Variants in KANSL1 observed in about 807,000 individuals in gnomAD.
KANSL1 encodes KAT8 regulatory NSL complex subunit 1.
Under a neutral mutation model 103.6 loss-of-function variants are expected in KANSL1, and 22 were observed. The ratio of observed to expected loss-of-function variants is 0.21; its 90% CI spans 0.15 to 0.30. The LOEUF (loss-of-function observed/expected upper bound fraction) is 0.30. Ranked by LOEUF, KANSL1 falls within the 10% of genes least tolerant of loss-of-function variation. The pLI is 1.00. For synonymous variants in KANSL1, 600 were observed against 527.6 expected, an observed-to-expected ratio of 1.14 and a Z score of -1.88; for missense variants, 1,337 against 1,399.8, an observed-to-expected ratio of 0.96 and a Z score of 0.72.
At chr17:46,166,786 C>A (rs1163696893) in intron 2 of KANSL1, among the ~76,000 whole-genome samples, 1 of 152,088 alleles carries the variant, frequency 6.6e-6, no homozygotes, top group Non-Finnish European at 1.5e-5. Context: ...AAAAAGAAAC[C>A]TAGTGAACAA....
intron 2 of KANSL1, among the ~76,000 whole-genome samples, chr17:46,096,313 T>TTTTTTTC (rs2042075122): frequency 1.1e-5 from 1 of 90,282 alleles, no homozygotes; most frequent in African/African-American, 3.2e-5. Flanking sequence ...TTTTTTTTCT[T>TTTTTTTC]TTTTTTTTTT....
chr17:46,172,822 T>C (rs1055659633), intron 1 of KANSL1, among the ~76,000 whole-genome samples: 9 of 152,234 alleles, frequency 5.9e-5, no homozygotes, highest in African/African-American at 2.2e-4. Context: ...CAGATCAAAG[T>C]GGTCATCAAT....
At chr17:46,090,452 G>GCAAGAA (rs1445724591) in intron 3 of KANSL1, among the ~76,000 whole-genome samples, 2 of 152,188 alleles carry the variant, frequency 1.3e-5, no homozygotes, top group Non-Finnish European at 2.9e-5. Flanking sequence ...TTACTTATTG[G>GCAAGAA]AACTATCAAC....
chr17:46,062,024 G>A (rs1333508312), intron 6 of KANSL1, among the ~76,000 whole-genome samples: 4 of 149,328 alleles, frequency 2.7e-5, no homozygotes, highest in Non-Finnish European at 5.9e-5. Flanking sequence ...CCCGGGAGGC[G>A]GAGGCTGCAG....
rs1464342736 is a variant in KANSL1 at position 46,034,212 on chromosome 17, G to A, written c.2615C>T (p.Ala872Val). The A allele has an allele frequency of 6.2e-7, 1 of 1,614,124 alleles. No individual in the cohort carries two copies. The highest frequency in any genetic ancestry group is 1.1e-5 in the South Asian group (1 of 91,070). ...INNIVIPMSV[A>V]ATTRVEKLQY... ...CAGTTTCTCTACGCGAGTTGTTGCA[G>A]CAACAGACATTGGGATGACAATGTT... The change falls in exon 11 of 15, where the codon GCT becomes GTT. Residue 872 changes from alanine to valine, a missense_variant. Physicochemically the swap from Ala to Val is moderately conservative, Grantham distance 64. Around this residue, in one of 2 missense-constraint regions of KANSL1, gnomAD observed 780 missense variants for 923.4 expected, o/e 0.84. Transcript: ENST00000432791.
chr17:46,066,770 A>C (rs1311643567), intron 5 of KANSL1, 38 bp from the exon 6 acceptor site: 1 of 1,434,094 alleles, frequency 7.0e-7, no homozygotes, highest in South Asian at 1.2e-5. Context: ...CAGAACACAC[A>C]AAGAAACAAA....
chr17:46,153,819 G>A (rs538420600), intron 2 of KANSL1, among the ~76,000 whole-genome samples: 1 of 152,328 alleles, frequency 6.6e-6, no homozygotes, highest in African/African-American at 2.4e-5. Context: ...CAATGTGGAG[G>A]GAAAACCCAG....
At chr17:46,057,960 T>C (rs1020314670) in intron 6 of KANSL1, among the ~76,000 whole-genome samples, 4 of 152,120 alleles carry the variant, frequency 2.6e-5, no homozygotes, top group Admixed American at 6.5e-5. Context: ...GAGAAATAAA[T>C]GGGGTGGTCT....
At chr17:46,102,688 G>A (rs540995014) in intron 2 of KANSL1, among the ~76,000 whole-genome samples, 1 of 152,228 alleles carries the variant, frequency 6.6e-6, no homozygotes, top group Admixed American at 6.5e-5. Flanking sequence ...GTTTATTTCA[G>A]CCAAGCATTT....
At chr17:46,137,812 A>G (rs1175698877) in intron 2 of KANSL1, among the ~76,000 whole-genome samples, 1 of 151,610 alleles carries the variant, frequency 6.6e-6, no homozygotes, top group Non-Finnish European at 1.5e-5. Flanking sequence ...GCTTGCAGTG[A>G]GCCAAAATCA....
chr17:46,143,138 A>G (rs1021170076), intron 2 of KANSL1, among the ~76,000 whole-genome samples: 3 of 152,270 alleles, frequency 2.0e-5, no homozygotes, highest in African/African-American at 7.2e-5. Flanking sequence ...AGGCCGTAAG[A>G]TACACTAAAA....
chr17:46,084,990 C>G (rs967704475), intron 3 of KANSL1, among the ~76,000 whole-genome samples: 2 of 152,186 alleles, frequency 1.3e-5, no homozygotes, highest in Non-Finnish European at 2.9e-5. Context: ...CCCAAACTGT[C>G]TTCCTGCTTC....
intron 7 of KANSL1, 117 bp from the exon 8 acceptor site, chr17:46,040,001 T>C (rs1250557088): frequency 1.2e-6 from 1 of 822,864 alleles, no homozygotes; most frequent in Non-Finnish European, 2.0e-6. Flanking sequence ...GCAGGGCAAG[T>C]GCTGTCATAT....
chr17:46,149,842 G>A (rs904491985), intron 2 of KANSL1, among the ~76,000 whole-genome samples: 3 of 150,478 alleles, frequency 2.0e-5, no homozygotes, highest in East Asian at 2.0e-4. Flanking sequence ...ATGAAACCCC[G>A]TCTCTACTAA....
intron 2 of KANSL1, among the ~76,000 whole-genome samples, chr17:46,129,476 G>C (rs954946074): frequency 1.3e-5 from 2 of 152,214 alleles, no homozygotes; most frequent in African/African-American, 4.8e-5. Flanking sequence ...GCTTTGTCGT[G>C]AGTTACAAGA....
Position 46,031,392 on chromosome 17 carries a change from TATG to T in KANSL1, c.*81_*83del, listed in dbSNP as rs1429596239. 13 of 1,268,072 alleles carry T rather than the reference TATG, an allele frequency of 1.0e-5. No homozygotes were observed. In the African/African-American group the frequency reaches 1.0e-4, roughly 10 times the overall value. The allele number at this position is 1,268,072 out of a possible 1,614,324, so 78.6% of individuals were successfully genotyped here. A position where few individuals can be genotyped will look rare whatever the true frequency, so the allele number is the denominator to read the frequency against. On this transcript the variant is annotated 3_prime_UTR_variant, in exon 15 of 15. Coordinates refer to ENST00000432791, the MANE Select transcript of KANSL1 (RefSeq NM_015443.4). ...CTAAAAACTGTGAAAATTTCCGGCA[TATG>T]ATGTTTGAATATCAAACGCAGAGAT...
At chr17:46,055,984 G>C (rs925276290) in intron 6 of KANSL1, among the ~76,000 whole-genome samples, 3 of 152,072 alleles carry the variant, frequency 2.0e-5, no homozygotes, top group African/African-American at 7.2e-5. Context: ...TCTAAATAAA[G>C]ATTTATTCAT....
Position 46,038,309 on chromosome 17 carries a change from G to A in KANSL1, c.2541+229C>T, listed in dbSNP as rs2077209307. 2.5e-5 allele frequency: 14 copies of A among 562,546 alleles called. 1 individual carries two copies. In the South Asian group the frequency reaches 3.2e-4, roughly 13 times the overall value. The allele number at this position is 562,546 out of a possible 1,614,324, so 34.8% of individuals were successfully genotyped here. A position where few individuals can be genotyped will look rare whatever the true frequency, so the allele number is the denominator to read the frequency against. On this transcript the variant is annotated intron_variant, in intron 10 of 14. Coordinates refer to ENST00000432791, the MANE Select transcript of KANSL1 (RefSeq NM_015443.4). The stretch of plus-strand genomic sequence containing the variant: ...CATCAAGCTTTCTATGGATGGCTCA[G>A]CATAAATCCATCTCTGCTATGAAAA...
At chr17:46,064,052 G>GT (rs1166252037) in intron 6 of KANSL1, among the ~76,000 whole-genome samples, 1 of 79,978 alleles carries the variant, frequency 1.3e-5, no homozygotes, top group Non-Finnish European at 2.4e-5. Flanking sequence ...ACGACTATTA[G>GT]TAAAAAAAAA....
Sources: gnomAD v4.1 joint callset for allele counts (sites outside exome capture counted in the v4.1 genomes callset) on GRCh38, gnomAD v4.1.1 for gene constraint, gnomAD v4.1.1 regional missense constraint, MANE v1.5 for transcripts, NCBI Gene and HGNC (gene_info 2026-07-23, HGNC 2026-07-21) for gene names.